The following PAG1 variants were observed in gnomAD, a reference collection of about 807,000 sequenced individuals.
PAG1 encodes the protein phosphoprotein associated with glycosphingolipid-enriched microdomains 1.
Under a neutral mutation model 31.7 loss-of-function variants are expected in PAG1, and 23 were observed. That is an observed-to-expected ratio of 0.73 (90% CI 0.52 to 1.03). The LOEUF (loss-of-function observed/expected upper bound fraction) is 1.03, where lower values mean the gene tolerates loss of function less well. Ranked by LOEUF, PAG1 falls within the 50% of genes least tolerant of loss-of-function variation. The pLI is 0.00. For synonymous variants in PAG1, 214 were observed against 210.3 expected (o/e 1.02, Z -0.15); for missense variants, 473 against 540.7 (o/e 0.87, Z 1.24).
intron 1 of PAG1, among the ~76,000 whole-genome samples, chr8:81,076,148 ACTT>A (rs1336676089): frequency 1.3e-5 from 2 of 152,198 alleles, no homozygotes; most frequent in East Asian, 3.8e-4. Context: ...GCCAGCAATG[ACTT>A]CTTATCTGAT....
At position 80,968,690 on chromosome 8, in the gene PAG1, A is replaced by G. The variant is rs1055830019; in HGVS notation, c.*7854T>C. 5 of 152,222 alleles carry G rather than the reference A, an allele frequency of 3.3e-5. No homozygotes were observed. The highest frequency in any genetic ancestry group is 3.3e-4 in the Admixed American group (5 of 15,284). 9.4% of individuals were successfully genotyped at this position (152,222 alleles called of 1,614,324 possible). On this transcript the variant is annotated 3_prime_UTR_variant, in exon 9 of 9. Transcript: ENST00000220597. ...CTTTACAAGAAATATATTTGAAAAA[A>G]TGCTTCTAGTCACCTACTCAATTAT...
intron 3 of PAG1, among the ~76,000 whole-genome samples, chr8:81,016,994 A>C (rs565816727): frequency 2.0e-5 from 3 of 152,220 alleles, no homozygotes; most frequent in Non-Finnish European, 4.4e-5. Flanking sequence ...AAAGTGAGAG[A>C]GCCCCACCAA....
chr8:81,012,015 A>AT (rs1271265433), intron 3 of PAG1, among the ~76,000 whole-genome samples: 81 of 152,300 alleles, frequency 5.3e-4, no homozygotes, highest in African/African-American at 1.9e-3. Context: ...TTTATTTGGC[A>AT]TAGGGTCCTC....
At chr8:81,039,182 G>A (rs1808512197) in intron 2 of PAG1, among the ~76,000 whole-genome samples, 1 of 152,072 alleles carries the variant, frequency 6.6e-6, no homozygotes, top group African/African-American at 2.4e-5. Flanking sequence ...GCTTTTCTGA[G>A]CCTGTTAGGT....
intron 2 of PAG1, among the ~76,000 whole-genome samples, chr8:81,062,637 C>T (rs1808936289): frequency 6.6e-6 from 1 of 152,134 alleles, no homozygotes; most frequent in South Asian, 2.1e-4. Flanking sequence ...GCTGATTTGT[C>T]ATAGTTAAAG....
chr8:81,054,079 T>C (rs1396222353), intron 2 of PAG1, among the ~76,000 whole-genome samples: 1 of 151,984 alleles, frequency 6.6e-6, no homozygotes, highest in Non-Finnish European at 1.5e-5. Flanking sequence ...TTGCAGGTCA[T>C]AGTTTGCCAA....
At chr8:81,004,810 C>T (rs1319155549) in intron 3 of PAG1, among the ~76,000 whole-genome samples, 6 of 152,168 alleles carry the variant, frequency 3.9e-5, no homozygotes, top group Admixed American at 2.6e-4. Flanking sequence ...TGAGAACTGT[C>T]CCCAATGTGT....
At chr8:81,025,792 C>A (rs1442513701) in intron 3 of PAG1, among the ~76,000 whole-genome samples, 1 of 152,192 alleles carries the variant, frequency 6.6e-6, no homozygotes, top group African/African-American at 2.4e-5. Context: ...ACTTTGAATT[C>A]TAGAAGGACA....
chr8:81,105,414 C>G (rs572622086), intron 1 of PAG1, among the ~76,000 whole-genome samples: 1 of 152,146 alleles, frequency 6.6e-6, no homozygotes, highest in African/African-American at 2.4e-5. Context: ...CACAGACAAG[C>G]TGCTAGTGAT....
At chr8:80,999,044 T>C (rs578100177) in intron 3 of PAG1, among the ~76,000 whole-genome samples, 28 of 152,194 alleles carry the variant, frequency 1.8e-4, no homozygotes, top group Non-Finnish European at 3.5e-4. Flanking sequence ...TCCCTGGTCC[T>C]GTGAGCACAC....
chr8:81,044,674 C>A (rs1242345581), intron 2 of PAG1, among the ~76,000 whole-genome samples: 1 of 152,188 alleles, frequency 6.6e-6, no homozygotes, highest in Non-Finnish European at 1.5e-5. Flanking sequence ...AGAGATCTCA[C>A]ATAGCCCCTT....
rs1355378473 is a variant in PAG1 at position 80,972,001 on chromosome 8, G to A, written c.*4543C>T. 1 of 152,186 alleles carries A rather than the reference G, an allele frequency of 6.6e-6. No individual in the cohort carries two copies. Among genetic ancestry groups the A allele is most frequent in the African/African-American group, 2.4e-5 (1 of 41,442 alleles). The allele number at this position is 152,186 out of a possible 1,614,324, so 9.4% of individuals were successfully genotyped here. A position where few individuals can be genotyped will look rare whatever the true frequency, so the allele number is the denominator to read the frequency against. On this transcript the variant is annotated 3_prime_UTR_variant, in exon 9 of 9. Coordinates refer to ENST00000220597, the MANE Select transcript of PAG1 (RefSeq NM_018440.4). ...TTCAACTGGCCTAAAGCCACTGTCA[G>A]GAAAAATGTATTTAGGAAAATATAC...
In PAG1 at chr8:81,077,361, C is replaced by T. The variant is rs573161333; in HGVS notation, c.-233-7191G>A. 7.9e-5 allele frequency among the ~76,000 whole-genome samples: 12 copies of T among 152,330 alleles called. No homozygotes were observed. In the East Asian group the frequency reaches 1.9e-3, roughly 24 times the overall value. On this transcript the variant is annotated intron_variant, in intron 1 of 8. Coordinates refer to ENST00000220597, the MANE Select transcript of PAG1 (RefSeq NM_018440.4). ...ATTTGTTGCTCTCTATTCCAACCTT[C>T]TACAGCCTCTTCTACTTCAGGAGTA...
intron 1 of PAG1, among the ~76,000 whole-genome samples, chr8:81,093,775 TGCTG>T: frequency 6.6e-6 from 1 of 152,068 alleles, no homozygotes; most frequent in East Asian, 1.9e-4. Flanking sequence ...ATTTGATCGT[TGCTG>T]ATGAAAATAA....
chr8:81,104,728 T>C (rs1453270685), intron 1 of PAG1, among the ~76,000 whole-genome samples: 3 of 152,178 alleles, frequency 2.0e-5, no homozygotes, highest in Non-Finnish European at 4.4e-5. Context: ...CTCCCCTTAA[T>C]GTCCCCACGC....
At chr8:80,986,767 G>A (rs1563617733) in intron 6 of PAG1, among the ~76,000 whole-genome samples, 1 of 150,248 alleles carries the variant, frequency 6.7e-6, no homozygotes, top group East Asian at 2.0e-4. Context: ...TTATCCAGGT[G>A]GGCCCAGTGT....
At position 80,974,172 on chromosome 8, in the gene PAG1, T is replaced by TTTA. The variant is rs1183261487; in HGVS notation, c.*2369_*2371dup. 1 of 148,630 alleles carries TTTA rather than the reference T, an allele frequency of 6.7e-6. No individual in the cohort carries two copies. The highest frequency in any genetic ancestry group is 1.5e-5 in the Non-Finnish European group (1 of 67,110). The allele number at this position is 148,630 out of a possible 1,614,324, so 9.2% of individuals were successfully genotyped here. A position where few individuals can be genotyped will look rare whatever the true frequency, so the allele number is the denominator to read the frequency against. ...AAAAAGTTTTTTTTTTTTTTTTTTT[T>TTTA]TTACTTTAGAGATCATACCTACTTT... On this transcript the variant is annotated 3_prime_UTR_variant, in exon 9 of 9. Coordinates refer to ENST00000220597, the MANE Select transcript of PAG1 (RefSeq NM_018440.4).
At chr8:81,060,879 G>A (rs1020433878) in intron 2 of PAG1, among the ~76,000 whole-genome samples, 2 of 152,186 alleles carry the variant, frequency 1.3e-5, no homozygotes, top group Non-Finnish European at 2.9e-5. Flanking sequence ...TACCTTTGAT[G>A]ACCACAGAAC....
chr8:81,101,582 A>G (rs73282041), intron 1 of PAG1, among the ~76,000 whole-genome samples: 2,179 of 152,308 alleles, frequency 0.014, 53 homozygotes, highest in African/African-American at 0.049. Flanking sequence ...CACTTAAAAA[A>G]GGAAGCATAT....
Sources: gnomAD v4.1 joint callset for allele counts (sites outside exome capture counted in the v4.1 genomes callset) on GRCh38, gnomAD v4.1.1 for gene constraint, MANE v1.5 for transcripts, NCBI Gene and HGNC (gene_info 2026-07-23, HGNC 2026-07-21) for gene names.